The following MAP4K3 variants were observed in gnomAD, a reference collection of about 807,000 sequenced individuals.
MAP4K3 encodes the protein mitogen-activated protein kinase kinase kinase kinase 3.
In MAP4K3, 94 loss-of-function variants were observed where a neutral mutation model predicts 143.5. The observed-to-expected ratio is 0.65, with a 90% CI of 0.55 to 0.78. The LOEUF (loss-of-function observed/expected upper bound fraction) is 0.78. Ranked by LOEUF, MAP4K3 falls within the 30% of genes least tolerant of loss-of-function variation. The pLI, the probability that MAP4K3 is intolerant of heterozygous loss-of-function variation, is 0.00. For synonymous variants in MAP4K3, 416 were observed against 347.2 expected (o/e 1.20, Z -2.20); for missense variants, 1,077 against 1,068.1 (o/e 1.01, Z -0.12).
intron 3 of MAP4K3, among the ~76,000 whole-genome samples, chr2:39,353,723 G>C (rs888632382): frequency 2.0e-5 from 3 of 151,858 alleles, no homozygotes; most frequent in African/African-American, 7.3e-5. Context: ...AAAAAGTTAA[G>C]AAGTAGTAGT....
chr2:39,286,791 A>G, intron 21 of MAP4K3, 61 bp downstream of exon 21: 1 of 997,732 alleles, frequency 1.0e-6, no homozygotes, highest in Non-Finnish European at 1.5e-6. Flanking sequence ...TAAGCATAAA[A>G]CTAACTTAAC....
At chr2:39,367,539 A>G (rs1047631608) in intron 2 of MAP4K3, among the ~76,000 whole-genome samples, 1 of 151,866 alleles carries the variant, frequency 6.6e-6, no homozygotes, top group African/African-American at 2.4e-5. Flanking sequence ...GACTCTATCT[A>G]AAAAAACAAA....
intron 12 of MAP4K3, among the ~76,000 whole-genome samples, chr2:39,318,746 C>T (rs374369062): frequency 7.9e-5 from 12 of 152,206 alleles, no homozygotes; most frequent in African/African-American, 2.9e-4. Context: ...CCTGCCCTTA[C>T]AAACCATTTC....
chr2:39,289,749 A>G (rs1331767936), intron 19 of MAP4K3, among the ~76,000 whole-genome samples: 3 of 152,230 alleles, frequency 2.0e-5, no homozygotes, highest in Admixed American at 6.5e-5. Flanking sequence ...CATTAATACA[A>G]TCATTTTCAG....
intron 19 of MAP4K3, among the ~76,000 whole-genome samples, chr2:39,289,212 A>C (rs1681927732): frequency 6.6e-6 from 1 of 152,214 alleles, no homozygotes; most frequent in Non-Finnish European, 1.5e-5. Flanking sequence ...ATTGCTCAGC[A>C]CTTATTTCTT....
chr2:39,333,499 T>G (rs1683748492), intron 7 of MAP4K3, 33 bp downstream of exon 7: 15 of 1,546,768 alleles, frequency 9.7e-6, no homozygotes, highest in Non-Finnish European at 1.2e-5. Flanking sequence ...TTAGAATAGA[T>G]TTGTGCACGT....
intron 1 of MAP4K3, among the ~76,000 whole-genome samples, chr2:39,426,624 C>T (rs1052564482): frequency 3.3e-5 from 5 of 151,862 alleles, no homozygotes; most frequent in East Asian, 3.9e-4. Context: ...TATTAGCCAT[C>T]GGTGAATCTT....
intron 23 of MAP4K3, among the ~76,000 whole-genome samples, chr2:39,279,158 C>T (rs553810319): frequency 1.2e-4 from 19 of 152,186 alleles, no homozygotes; most frequent in Admixed American, 8.5e-4. Context: ...AGAAAAGTGC[C>T]CGATCTGTTT....
At chr2:39,417,547 G>T (rs1433130821) in intron 1 of MAP4K3, among the ~76,000 whole-genome samples, 1 of 152,134 alleles carries the variant, frequency 6.6e-6, no homozygotes, top group East Asian at 1.9e-4. Context: ...ACTGGATTAG[G>T]AAACTACAGA....
At chr2:39,306,164 T>C (rs1013215341) in intron 15 of MAP4K3, among the ~76,000 whole-genome samples, 1 of 152,218 alleles carries the variant, frequency 6.6e-6, no homozygotes, top group Non-Finnish European at 1.5e-5. Context: ...GTTTCCAGTT[T>C]TGTTGTTATC....
chr2:39,425,183 T>A (rs1665029426), intron 1 of MAP4K3, among the ~76,000 whole-genome samples: 1 of 137,614 alleles, frequency 7.3e-6, no homozygotes. Context: ...AGTAGATGAA[T>A]TCAAAATTAA....
chr2:39,258,322 C>G (rs1352902780), intron 31 of MAP4K3, 26 bp downstream of exon 31: 1 of 1,431,172 alleles, frequency 7.0e-7, no homozygotes, highest in Admixed American at 2.0e-5. Flanking sequence ...GTTCATAATG[C>G]AAAGAATTAT....
At chr2:39,412,288 C>T (rs190770761) in intron 1 of MAP4K3, among the ~76,000 whole-genome samples, 1 of 152,316 alleles carries the variant, frequency 6.6e-6, no homozygotes, top group Admixed American at 6.5e-5. Flanking sequence ...ACCACCATCT[C>T]CTTTCAGCTA....
At chr2:39,418,110 G>A (rs547224862) in intron 1 of MAP4K3, among the ~76,000 whole-genome samples, 3 of 151,846 alleles carry the variant, frequency 2.0e-5, no homozygotes, top group African/African-American at 7.2e-5. Context: ...GGCTGAGGCA[G>A]GAGAATTGCT....
intron 1 of MAP4K3, among the ~76,000 whole-genome samples, chr2:39,408,471 A>G (rs1667153183): frequency 6.6e-6 from 1 of 152,230 alleles, no homozygotes; most frequent in African/African-American, 2.4e-5. Flanking sequence ...AATGTCTGGA[A>G]GAATTTCATC....
At chr2:39,254,398 A>C (rs536171067) in intron 32 of MAP4K3, 52 bp downstream of exon 32, 3 of 1,390,858 alleles carry the variant, frequency 2.2e-6, no homozygotes, top group South Asian at 1.2e-5. Context: ...GAACTGTTTG[A>C]AGTGGAATTT....
intron 1 of MAP4K3, among the ~76,000 whole-genome samples, chr2:39,397,712 A>G (rs1490143569): frequency 6.6e-6 from 1 of 152,360 alleles, no homozygotes; most frequent in East Asian, 1.9e-4. Flanking sequence ...ATATAACTTT[A>G]TATGGCCTCA....
At chr2:39,293,143 A>T in intron 17 of MAP4K3, 87 bp downstream of exon 17, 1 of 975,438 alleles carries the variant, frequency 1.0e-6, no homozygotes, top group Non-Finnish European at 1.6e-6. Flanking sequence ...GACAACGCAA[A>T]CAAATAGGCT....
intron 3 of MAP4K3, among the ~76,000 whole-genome samples, chr2:39,351,820 C>T (rs1665468132): frequency 6.6e-6 from 1 of 152,054 alleles, no homozygotes; most frequent in Non-Finnish European, 1.5e-5. Context: ...AGGCATGTGC[C>T]ACCATGCCCA....
Sources: allele counts gnomAD v4.1 joint callset (sites outside exome capture counted in the v4.1 genomes callset), GRCh38; gene constraint gnomAD v4.1.1; transcripts MANE v1.5; gene names NCBI Gene and HGNC (gene_info 2026-07-23, HGNC 2026-07-21).